Variants in TXNDC16 observed in about 807,000 individuals in gnomAD.
TXNDC16 encodes the protein thioredoxin domain containing 16.
TXNDC16 carries 74 observed loss-of-function variants against 85.6 expected under a neutral mutation model. That is an observed-to-expected ratio of 0.86 (90% confidence interval 0.72 to 1.05). TXNDC16 has a LOEUF of 1.05. TXNDC16 is among the 50% of genes least tolerant of loss of function. The probability of loss-of-function intolerance (pLI) is 0.00; values close to 1 mark genes in which losing one functional copy is unlikely to be tolerated. For synonymous variants in TXNDC16, 335 were observed against 326.5 expected (o/e 1.03, Z -0.28); for missense variants, 959 against 947.0 (o/e 1.01, Z -0.17).
intron 18 of TXNDC16, among the ~76,000 whole-genome samples, chr14:52,443,505 A>G (rs996286079): frequency 4.6e-5 from 7 of 152,228 alleles, no homozygotes; most frequent in African/African-American, 1.4e-4. Flanking sequence ...TGGACCCTGG[A>G]TAAAGAATAA....
chr14:52,502,611 A>G (rs1424502096), intron 9 of TXNDC16, among the ~76,000 whole-genome samples: 1 of 152,254 alleles, frequency 6.6e-6, no homozygotes, highest in Non-Finnish European at 1.5e-5. Context: ...AAGATGGCCA[A>G]ATAGGAACAG....
chr14:52,482,233 T>A lies in TXNDC16; in HGVS notation c.1309A>T (p.Lys437Ter). ...CATGCATAGCACAGTACACTACCTTTCAGTTTAACTGCCACATCAATATAG... is the reference window on the plus strand; with the variant it reads ...CATGCATAGCACAGTACACTACCTTACAGTTTAACTGCCACATCAATATAG... ...QSYIDVAVKL[K>*]GTSTMLLTRI... Residue 437 changes from lysine to a stop codon, truncating the protein, a stop_gained, in exon 14 of 21, where the codon AAA becomes TAA. Coordinates refer to ENST00000281741, the MANE Select transcript of TXNDC16 (RefSeq NM_020784.3). LOFTEE classifies it high-confidence loss of function. 6.2e-7 allele frequency: 1 copy of A among 1,611,904 alleles called. No individual in the cohort carries two copies. The highest frequency in any genetic ancestry group is 8.5e-7 in the Non-Finnish European group (1 of 1,178,810).
intron 9 of TXNDC16, among the ~76,000 whole-genome samples, chr14:52,491,791 C>A (rs142682933): frequency 1.8e-3 from 271 of 152,192 alleles, no homozygotes; most frequent in African/African-American, 6.1e-3. Context: ...AAAACTACAG[C>A]AGCAGGATTT....
chr14:52,536,691 CAAAT>C (rs1052271280), intron 6 of TXNDC16, 24 bp downstream of exon 6: 8 of 1,551,768 alleles, frequency 5.2e-6, no homozygotes, highest in East Asian at 4.6e-5. Flanking sequence ...AACAAGTAAA[CAAAT>C]GAATGTGTAG....
intron 4 of TXNDC16, among the ~76,000 whole-genome samples, chr14:52,540,350 C>A (rs893688805): frequency 6.6e-6 from 1 of 152,184 alleles, no homozygotes; most frequent in Non-Finnish European, 1.5e-5. Context: ...ATGGGCTAGG[C>A]GCGGTGGCTC....
intron 14 of TXNDC16, among the ~76,000 whole-genome samples, chr14:52,478,212 C>T (rs1265606882): frequency 1.3e-5 from 2 of 152,006 alleles, no homozygotes; most frequent in Non-Finnish European, 2.9e-5. Flanking sequence ...GCCCTAACTG[C>T]TTACATCAAA....
chr14:52,464,911 T>G (rs1278115685), intron 16 of TXNDC16, among the ~76,000 whole-genome samples: 1 of 152,070 alleles, frequency 6.6e-6, no homozygotes, highest in East Asian at 1.9e-4. Context: ...TGCATGTCAC[T>G]GAGCCTGGGT....
chr14:52,439,881 A>ACT (rs1355947965), intron 19 of TXNDC16, among the ~76,000 whole-genome samples: 1 of 132,412 alleles, frequency 7.6e-6, no homozygotes, highest in South Asian at 2.6e-4. Context: ...ATACAAGGAA[A>ACT]CTCTAAGTTA....
intron 14 of TXNDC16, among the ~76,000 whole-genome samples, chr14:52,476,596 T>C (rs1436562198): frequency 1.3e-5 from 2 of 152,054 alleles, no homozygotes; most frequent in South Asian, 2.1e-4. Flanking sequence ...ATTTCAGAGC[T>C]TGAAGACAAG....
Position 52,439,252 on chromosome 14 carries a change from G to A in TXNDC16, c.2146C>T (p.Leu716Phe). The change falls in exon 20 of 21, where the codon CTT becomes TTT. Residue 716 changes from leucine (L) to phenylalanine (F), a missense_variant. By Grantham distance (22) the Leu-to-Phe change is conservative. Coordinates refer to ENST00000281741, the MANE Select transcript of TXNDC16 (RefSeq NM_020784.3). Reference protein sequence around the residue: ...PSDQAIIEENLVLWLKKLEAG... With the variant: ...PSDQAIIEENFVLWLKKLEAG... Reference sequence around the variant, plus strand: ...TCTAATTTCTTCAGCCACAATACAAGGTTTTCTTCAATTATAGCCTGGTCT... The same window carrying A: ...TCTAATTTCTTCAGCCACAATACAAAGTTTTCTTCAATTATAGCCTGGTCT... 2.5e-6 allele frequency: 4 copies of A among 1,613,984 alleles called. No homozygotes were observed. The highest frequency in any genetic ancestry group is 3.4e-6 in the Non-Finnish European group (4 of 1,179,962).
At chr14:52,533,981 T>C (rs1403399636) in intron 6 of TXNDC16, among the ~76,000 whole-genome samples, 1 of 152,166 alleles carries the variant, frequency 6.6e-6, no homozygotes, top group African/African-American at 2.4e-5. Flanking sequence ...GTCCTTGACC[T>C]CAATTTTCTC....
chr14:52,530,917 T>A (rs1250428728), intron 6 of TXNDC16, among the ~76,000 whole-genome samples: 1 of 151,808 alleles, frequency 6.6e-6, no homozygotes, highest in East Asian at 1.9e-4. Flanking sequence ...CAAACTGGCT[T>A]GTCTGGGAGA....
rs549360371 is a variant in TXNDC16, at chr14:52,482,234, C to T, written c.1308G>A (p.Leu436=). 6.2e-7 allele frequency: 1 copy of T among 1,611,832 alleles called. No individual in the cohort carries two copies. The highest frequency in any genetic ancestry group is 2.2e-5 in the East Asian group (1 of 44,760). ...LQSYIDVAVK[L]KGTSTMLLTR... ...ATGCATAGCACAGTACACTACCTTT[C>T]AGTTTAACTGCCACATCAATATAGG... The change falls in exon 14 of 21, where the codon CTG becomes CTA. Residue 436 remains leucine (L), a synonymous_variant. Coordinates refer to ENST00000281741, the MANE Select transcript of TXNDC16 (RefSeq NM_020784.3).
chr14:52,530,068 A>G (rs1271293449), intron 6 of TXNDC16, among the ~76,000 whole-genome samples: 3 of 100,026 alleles, frequency 3.0e-5, no homozygotes, highest in African/African-American at 1.2e-4. Context: ...ATATTTATAT[A>G]TTATATATTT....
intron 14 of TXNDC16, among the ~76,000 whole-genome samples, chr14:52,474,653 C>G (rs956808445): frequency 7.9e-5 from 12 of 151,946 alleles, no homozygotes; most frequent in Non-Finnish European, 8.8e-5. Context: ...TCACTTGAAC[C>G]CAGGAGGCGG....
At chr14:52,549,629 ATTTT>A (rs748701260) in intron 1 of TXNDC16, among the ~76,000 whole-genome samples, 4 of 132,982 alleles carry the variant, frequency 3.0e-5, no homozygotes, top group Admixed American at 2.3e-4. Context: ...AACAGTTCTG[ATTTT>A]TTTTTTTTTT....
At chr14:52,476,073 G>C (rs1374951102) in intron 14 of TXNDC16, among the ~76,000 whole-genome samples, 1 of 152,142 alleles carries the variant, frequency 6.6e-6, no homozygotes, top group Non-Finnish European at 1.5e-5. Flanking sequence ...ATCCAGAAGG[G>C]GGATAACAAT....
intron 4 of TXNDC16, among the ~76,000 whole-genome samples, chr14:52,540,958 G>A (rs770921724): frequency 9.2e-5 from 14 of 151,910 alleles, no homozygotes; most frequent in South Asian, 6.2e-4. Flanking sequence ...GTTTCAGGCC[G>A]GGTGCAGTGG....
chr14:52,504,246 AC>A (rs1283145421), intron 9 of TXNDC16, among the ~76,000 whole-genome samples: 1 of 152,154 alleles, frequency 6.6e-6, no homozygotes, highest in Non-Finnish European at 1.5e-5. Context: ...CTCGAGAAGA[AC>A]AACTCCAAGA....
Sources: gnomAD v4.1 joint callset for allele counts (sites outside exome capture counted in the v4.1 genomes callset) on GRCh38, gnomAD v4.1.1 for gene constraint, MANE v1.5 for transcripts, NCBI Gene and HGNC (gene_info 2026-07-23, HGNC 2026-07-21) for gene names.